The following ARHGAP24 variants were observed in gnomAD, a reference collection of about 807,000 sequenced individuals.
ARHGAP24 encodes the protein Rho GTPase activating protein 24.
ARHGAP24 carries 50 observed loss-of-function variants against 76.4 expected under a neutral mutation model. The observed-to-expected ratio is 0.65, with a 90% CI of 0.52 to 0.83. The LOEUF is 0.83. Ranked by LOEUF, ARHGAP24 falls within the 40% of genes least tolerant of loss-of-function variation. ARHGAP24 has a pLI of 0.00. For synonymous variants in ARHGAP24, 345 were observed against 323.3 expected (o/e 1.07, Z -0.72); for missense variants, 930 against 914.2 (o/e 1.02, Z -0.22).
rs146975664 is a variant in ARHGAP24, at chr4:85,831,999, G to T, written c.269-91649G>T. Among the ~76,000 whole-genome samples, 698 of 152,176 alleles carry T rather than the reference G, an allele frequency of 4.6e-3. 2 individuals are homozygous for T. Among genetic ancestry groups the T allele is most frequent in the African/African-American group, 0.016 (662 of 41,512 alleles). On this transcript the variant is annotated intron_variant, in intron 3 of 9. Coordinates refer to ENST00000395184, the MANE Select transcript of ARHGAP24 (RefSeq NM_001025616.3). ...TTTTATTATTTTTCAGGAATTGTGG[G>T]GCCAATAGATTAGGAGGTGATTGTT...
intron 3 of ARHGAP24, among the ~76,000 whole-genome samples, chr4:85,785,499 T>C (rs1166866322): frequency 6.6e-6 from 1 of 151,248 alleles, no homozygotes; most frequent in Non-Finnish European, 1.5e-5. Flanking sequence ...TTTTGTTTTG[T>C]TTTGTTTTTT....
At chr4:85,476,974 T>C (rs1165594093) in intron 1 of ARHGAP24, among the ~76,000 whole-genome samples, 1 of 152,198 alleles carries the variant, frequency 6.6e-6, no homozygotes, top group Non-Finnish European at 1.5e-5. Flanking sequence ...ATCTGTTCTC[T>C]CTAGAGCCAT....
intron 2 of ARHGAP24, among the ~76,000 whole-genome samples, chr4:85,613,172 A>G (rs75326181): frequency 0.024 from 3,678 of 152,210 alleles, 144 homozygotes; most frequent in African/African-American, 0.083. Context: ...ACAGCTTTGC[A>G]TATATGTATA....
At chr4:85,934,697 T>C (rs1347777398) in intron 4 of ARHGAP24, among the ~76,000 whole-genome samples, 1 of 152,084 alleles carries the variant, frequency 6.6e-6, no homozygotes, top group Non-Finnish European at 1.5e-5. Context: ...GTATTTTTAG[T>C]AGAGATGGGG....
intron 2 of ARHGAP24, among the ~76,000 whole-genome samples, chr4:85,571,142 C>T (rs1239151755): frequency 6.6e-6 from 1 of 152,170 alleles, no homozygotes; most frequent in Admixed American, 6.5e-5. Flanking sequence ...AGTATCAATT[C>T]TCAGAGGTTT....
intron 4 of ARHGAP24, among the ~76,000 whole-genome samples, chr4:85,928,274 T>G (rs916035297): frequency 4.0e-5 from 6 of 151,242 alleles, no homozygotes; most frequent in Non-Finnish European, 8.8e-5. Context: ...CCTCCATCCC[T>G]CCCTCGCACT....
rs376456817 is a variant in ARHGAP24 at position 85,810,952 on chromosome 4, T to C, written c.268+88980T>C. On this transcript the variant is annotated intron_variant, in intron 3 of 9. Transcript: ENST00000395184. ...ACTTGGTAGTTGTACTTTTCATGAG[T>C]GAACCTGATGGCTCATGACCTGTAA... is the stretch of plus-strand genomic sequence containing the variant. Among the ~76,000 whole-genome samples, 7 of 152,334 alleles carry C rather than the reference T, an allele frequency of 4.6e-5. 1 individual carries two copies. Among genetic ancestry groups the C allele is most frequent in the African/African-American group, 1.7e-4 (7 of 41,582 alleles).
At chr4:85,493,846 G>A (rs1486999911) in intron 1 of ARHGAP24, among the ~76,000 whole-genome samples, 1 of 152,120 alleles carries the variant, frequency 6.6e-6, no homozygotes. Context: ...TACACATAAA[G>A]TACTTTCAGA....
At chr4:85,829,390 T>C (rs1729877823) in intron 3 of ARHGAP24, among the ~76,000 whole-genome samples, 1 of 152,204 alleles carries the variant, frequency 6.6e-6, no homozygotes, top group African/African-American at 2.4e-5. Flanking sequence ...AAGATTCTAA[T>C]ACTGTAAACT....
chr4:85,997,745 T>C (rs1406267659), intron 9 of ARHGAP24, among the ~76,000 whole-genome samples: 1 of 152,144 alleles, frequency 6.6e-6, no homozygotes, highest in Non-Finnish European at 1.5e-5. Context: ...AACCTCTGCC[T>C]CCCAAGTTGA....
At chr4:85,953,406 A>T (rs1195643338) in intron 5 of ARHGAP24, among the ~76,000 whole-genome samples, 1 of 152,234 alleles carries the variant, frequency 6.6e-6, no homozygotes, top group Non-Finnish European at 1.5e-5. Flanking sequence ...ACATATTTTA[A>T]TTTAATCCTC....
At chr4:85,610,504 G>GATGAAT (rs1273999555) in intron 2 of ARHGAP24, among the ~76,000 whole-genome samples, 3 of 124,506 alleles carry the variant, frequency 2.4e-5, no homozygotes, top group Non-Finnish European at 5.1e-5. Flanking sequence ...TATTGAGCCA[G>GATGAAT]ATGAATACAT....
intron 2 of ARHGAP24, among the ~76,000 whole-genome samples, chr4:85,708,806 A>G (rs993562878): frequency 6.6e-6 from 1 of 152,156 alleles, no homozygotes; most frequent in African/African-American, 2.4e-5. Context: ...CTTCATATCT[A>G]TTATCATTTG....
At chr4:85,674,050 C>T (rs927889096) in intron 2 of ARHGAP24, among the ~76,000 whole-genome samples, 1 of 152,138 alleles carries the variant, frequency 6.6e-6, no homozygotes, top group African/African-American at 2.4e-5. Context: ...TCGACTTACC[C>T]AACAAGTTAG....
chr4:85,768,491 C>T (rs1727011182), intron 3 of ARHGAP24, among the ~76,000 whole-genome samples: 1 of 152,054 alleles, frequency 6.6e-6, no homozygotes, highest in Non-Finnish European at 1.5e-5. Context: ...GTAATCCCAG[C>T]ACTTTGAAAG....
chr4:85,571,414 A>T (rs956031117), intron 2 of ARHGAP24, among the ~76,000 whole-genome samples: 1 of 152,222 alleles, frequency 6.6e-6, no homozygotes, highest in African/African-American at 2.4e-5. Context: ...TTATCAGTTG[A>T]TGAGAGGGTA....
intron 3 of ARHGAP24, among the ~76,000 whole-genome samples, chr4:85,856,833 G>C (rs1026537243): frequency 1.3e-5 from 2 of 152,112 alleles, no homozygotes; most frequent in Non-Finnish European, 2.9e-5. Context: ...CCTATCCTTA[G>C]TGGTAAGTTC....
chr4:85,510,000 C>G (rs898960145), intron 1 of ARHGAP24, among the ~76,000 whole-genome samples: 1 of 152,110 alleles, frequency 6.6e-6, no homozygotes, highest in Non-Finnish European at 1.5e-5. Flanking sequence ...TTGATCTTTA[C>G]TATTCAGAAA....
intron 8 of ARHGAP24, among the ~76,000 whole-genome samples, chr4:85,993,782 G>A (rs540849760): frequency 2.0e-5 from 3 of 152,276 alleles, no homozygotes; most frequent in African/African-American, 7.2e-5. Flanking sequence ...TAGGAGAGGA[G>A]GAGAAGATTA....
Sources: allele counts gnomAD v4.1 joint callset (sites outside exome capture counted in the v4.1 genomes callset), GRCh38; gene constraint gnomAD v4.1.1; transcripts MANE v1.5; gene names NCBI Gene and HGNC (gene_info 2026-07-23, HGNC 2026-07-21).